Variants in KBTBD11 observed in about 807,000 individuals in gnomAD.
KBTBD11 encodes kelch repeat and BTB domain containing 11.
For missense variants in KBTBD11, 1,390 were observed against 1,001.8 expected, an observed-to-expected ratio of 1.39 and a Z score of -5.23; for synonymous variants, 747 against 499.0, an observed-to-expected ratio of 1.50 and a Z score of -6.63.
intron 1 of KBTBD11, among the ~76,000 whole-genome samples, chr8:1,979,047 C>T (rs1037671509): frequency 6.6e-6 from 1 of 152,130 alleles, no homozygotes; most frequent in Admixed American, 6.5e-5. Context: ...GAAACACAAC[C>T]AACTGGGTAC....
intron 1 of KBTBD11, among the ~76,000 whole-genome samples, chr8:1,974,149 C>G (rs1204148656): frequency 1.3e-5 from 1 of 76,244 alleles, no homozygotes; most frequent in Admixed American, 1.4e-4. Flanking sequence ...GGAGGGGGGA[C>G]CGGGAGAGGA....
chr8:1,974,725 G>C, intron 1 of KBTBD11: 1 of 985,140 alleles, frequency 1.0e-6, no homozygotes, highest in Non-Finnish European at 1.2e-6. Context: ...CCTCCTCTCA[G>C]GCGGGGCTCA....
chr8:1,979,296 A>G (rs1816457997), intron 1 of KBTBD11, among the ~76,000 whole-genome samples: 1 of 152,198 alleles, frequency 6.6e-6, no homozygotes, highest in Non-Finnish European at 1.5e-5. Flanking sequence ...AACATGCTTT[A>G]CTCAAAATCT....
intron 1 of KBTBD11, among the ~76,000 whole-genome samples, chr8:1,986,520 C>T (rs1380881466): frequency 6.6e-6 from 1 of 152,136 alleles, no homozygotes; most frequent in Non-Finnish European, 1.5e-5. Context: ...AAACCAACAG[C>T]TCAGAACTTT....
chr8:1,985,463 G>C (rs1437346086), intron 1 of KBTBD11, among the ~76,000 whole-genome samples: 1 of 152,286 alleles, frequency 6.6e-6, no homozygotes, highest in African/African-American at 2.4e-5. Context: ...CCACAGCAGC[G>C]TCTGTCCTGG....
chr8:1,977,627 A>T (rs946399420), intron 1 of KBTBD11, among the ~76,000 whole-genome samples: 3 of 152,134 alleles, frequency 2.0e-5, no homozygotes, highest in African/African-American at 7.2e-5. Context: ...GGGTTCAAGC[A>T]ATTCTCATGT....
In KBTBD11 at chr8:2,001,040, CACA is replaced by C. The variant is rs141713602; in HGVS notation, c.-145_-143del. The C allele has an allele frequency of 0.48, 520,845 of 1,076,288 alleles. 131,581 individuals carry two copies. The highest frequency in any genetic ancestry group is 0.77 in the East Asian group (23,601 of 30,764). The allele number at this position is 1,076,288 out of a possible 1,614,324, so 66.7% of individuals were successfully genotyped here. ...CGTGTGAGATTCCCCCCTTCACACA[CACA>C]ACAACAAAGCGTGGACACACAGAAG... On this transcript the variant is annotated 5_prime_UTR_variant, in exon 2 of 2. Transcript: ENST00000320248.
chr8:2,002,278 C>A lies in KBTBD11; in HGVS notation c.1086C>A (p.Phe362Leu). The change falls in exon 2 of 2, where the codon TTC becomes TTA. Residue 362 changes from phenylalanine to leucine, a missense_variant. Transcript: ENST00000320248. The surrounding 1 kb of genome is among the most constrained non-coding windows in gnomAD (Gnocchi z 4.1). ...TGTGCGTCCTCTACAACTACCTCTTCGTGGCGGGCGGCGTGGCGCCCGCGG... is the reference window on the plus strand; with the variant it reads ...TGTGCGTCCTCTACAACTACCTCTTAGTGGCGGGCGGCGTGGCGCCCGCGG... ...CGLCVLYNYLFVAGGVAPAGP... is the reference protein window; with the variant it reads ...CGLCVLYNYLLVAGGVAPAGP... 7.7e-7 allele frequency: 1 copy of A among 1,303,610 alleles called. No individual in the cohort carries two copies. Among genetic ancestry groups the A allele is most frequent in the Non-Finnish European group, 9.7e-7 (1 of 1,030,828 alleles). The allele number at this position is 1,303,610 out of a possible 1,614,324, so 80.8% of individuals were successfully genotyped here. A position where few individuals can be genotyped will look rare whatever the true frequency, so the allele number is the denominator to read the frequency against.
chr8:1,989,108 C>G (rs1816791799), intron 1 of KBTBD11, among the ~76,000 whole-genome samples: 1 of 152,140 alleles, frequency 6.6e-6, no homozygotes, highest in South Asian at 2.1e-4. Flanking sequence ...GCCGGTGCCT[C>G]TCTCCAGAGC....
In KBTBD11 at chr8:2,000,355, C is replaced by G. The variant is rs921951876; in HGVS notation, c.-838C>G. 6.6e-6 allele frequency: 1 copy of G among 152,336 alleles called. No homozygotes were observed. The highest frequency in any genetic ancestry group is 1.5e-5 in the Non-Finnish European group (1 of 68,106). The allele number at this position is 152,336 out of a possible 1,614,324, so 9.4% of individuals were successfully genotyped here. On this transcript the variant is annotated 5_prime_UTR_variant, in exon 2 of 2. Transcript: ENST00000320248. Reference sequence around the variant, plus strand: ...CAAAGGAAGCTGCAGAGGAAGGGTCCTGCCCCGTGAGCGAGGACAGCCTCC... The same window carrying G: ...CAAAGGAAGCTGCAGAGGAAGGGTCGTGCCCCGTGAGCGAGGACAGCCTCC...
rs1402015736 is a variant in KBTBD11 at position 2,000,387 on chromosome 8, A to G, written c.-806A>G. The stretch of plus-strand genomic sequence containing the variant: ...GTGAGCGAGGACAGCCTCCAGGAGC[A>G]CAGCGGCTTCTCCTAACATCCCCCT... On this transcript the variant is annotated 5_prime_UTR_variant, in exon 2 of 2. Coordinates refer to ENST00000320248, the MANE Select transcript of KBTBD11 (RefSeq NM_014867.3). 1 of 152,288 alleles carries G rather than the reference A, an allele frequency of 6.6e-6. No individual in the cohort carries two copies. The highest frequency in any genetic ancestry group is 2.4e-5 in the African/African-American group (1 of 41,464). The allele number at this position is 152,288 out of a possible 1,614,324, so 9.4% of individuals were successfully genotyped here.
Position 1,976,835 on chromosome 8 carries a change from A to G in KBTBD11, c.-909+2900A>G, listed in dbSNP as rs959195441. Among the ~76,000 whole-genome samples, 4 of 152,200 alleles carry G rather than the reference A, an allele frequency of 2.6e-5. No homozygotes were observed. In the South Asian group the frequency reaches 8.3e-4, roughly 31 times the overall value. On this transcript the variant is annotated intron_variant, in intron 1 of 1. Transcript: ENST00000320248. ...GTGGCTCAGGAGCCCAGGAGGGGAC[A>G]GTTTGCGGGAACATTGTGTGCAAAG...
intron 1 of KBTBD11, among the ~76,000 whole-genome samples, chr8:1,999,762 A>C (rs1817272213): frequency 6.6e-6 from 1 of 151,936 alleles, no homozygotes; most frequent in African/African-American, 2.4e-5. Flanking sequence ...ATTCCAGAGA[A>C]GCATCCTAAC....
intron 1 of KBTBD11, among the ~76,000 whole-genome samples, chr8:1,981,301 C>G (rs1386858210): frequency 6.6e-6 from 1 of 152,182 alleles, no homozygotes; most frequent in Admixed American, 6.5e-5. Flanking sequence ...GGGAATTCTT[C>G]TAGCTGAAAG....
chr8:2,000,220 C>T (rs1036802447), intron 1 of KBTBD11, 65 bp from the exon 2 acceptor site: 1 of 152,214 alleles, frequency 6.6e-6, no homozygotes, highest in Non-Finnish European at 1.5e-5. Context: ...GTGGTAGACT[C>T]CGCTGACACG....
rs978834235 is a variant in KBTBD11 at position 2,001,158 on chromosome 8, G to A, written c.-35G>A. 3.1e-6 allele frequency: 4 copies of A among 1,295,002 alleles called. No homozygotes were observed. The highest frequency in any genetic ancestry group is 2.9e-6 in the Non-Finnish European group (3 of 1,022,320). The allele number at this position is 1,295,002 out of a possible 1,614,324, so 80.2% of individuals were successfully genotyped here. A position where few individuals can be genotyped will look rare whatever the true frequency, so the allele number is the denominator to read the frequency against. On this transcript the variant is annotated 5_prime_UTR_variant, in exon 2 of 2. Coordinates refer to ENST00000320248, the MANE Select transcript of KBTBD11 (RefSeq NM_014867.3). ...GGCCAGACCTGCAGGCTGCGGAACC[G>A]GGGGCGCGCGGGCGCAGCGCAGCAC...
Position 2,006,738 on chromosome 8 carries a change from A to G in KBTBD11, c.*3674A>G. 6.0e-6 allele frequency: 1 copy of G among 167,260 alleles called. No individual in the cohort carries two copies. The allele number at this position is 167,260 out of a possible 1,614,324, so 10.4% of individuals were successfully genotyped here. A position where few individuals can be genotyped will look rare whatever the true frequency, so the allele number is the denominator to read the frequency against. On this transcript the variant is annotated 3_prime_UTR_variant, in exon 2 of 2. Transcript: ENST00000320248. The stretch of plus-strand genomic sequence containing the variant: ...CTCCTCCAAAGCCTGTTCAAGCTCT[A>G]AGCGATTCTCAAATGTTACCATTTA...
chr8:1,974,141 AG>A lies in KBTBD11; in HGVS notation c.-909+212del, dbSNP rs1563357768. On this transcript the variant is annotated intron_variant, in intron 1 of 1. Coordinates refer to ENST00000320248, the MANE Select transcript of KBTBD11 (RefSeq NM_014867.3). ...AGGGGAGCGGAGCGGAGGGGAGGGG[AG>A]GGGGGACCGGGAGAGGAGGGGGCAG... Among the ~76,000 whole-genome samples, 20 of 22,072 alleles carry A rather than the reference AG, an allele frequency of 9.1e-4. No individual in the cohort carries two copies. The South Asian group carries it at 0.026, about 29-fold the overall frequency. The allele number at this position is 22,072 out of a possible 152,430, so 14.5% of individuals were successfully genotyped here.
intron 1 of KBTBD11, 164 bp downstream of exon 1, chr8:1,974,099 AG>A: frequency 1.1e-5 from 1 of 93,188 alleles, no homozygotes. Context: ...CGGGGAGGGG[AG>A]GCCGGCAGGG....
Sources: gnomAD v4.1 joint callset for allele counts (sites outside exome capture counted in the v4.1 genomes callset) on GRCh38, gnomAD v4.1.1 for gene constraint, Gnocchi (gnomAD v3.1) non-coding constraint, MANE v1.5 for transcripts, NCBI Gene and HGNC (gene_info 2026-07-23, HGNC 2026-07-21) for gene names.